The following FRMD4A variants were observed in gnomAD, a reference collection of about 807,000 sequenced individuals.
FRMD4A encodes the protein FERM domain containing 4A.
Under a neutral mutation model 129.1 loss-of-function variants are expected in FRMD4A, and 29 were observed. The observed-to-expected ratio is 0.22, with a 90% CI of 0.17 to 0.31. FRMD4A has a LOEUF of 0.31. Among genes scored for constraint, FRMD4A ranks in the 10% least tolerant of loss-of-function variants. FRMD4A has a pLI of 1.00. For synonymous variants in FRMD4A, 634 were observed against 571.6 expected, an observed-to-expected ratio of 1.11 and a Z score of -1.56; for missense variants, 1,272 against 1,375.8, an observed-to-expected ratio of 0.92 and a Z score of 1.19.
chr10:14,005,721 C>T (rs2095659835), intron 2 of FRMD4A, among the ~76,000 whole-genome samples: 1 of 152,208 alleles, frequency 6.6e-6, no homozygotes, highest in African/African-American at 2.4e-5. Flanking sequence ...ATGGCAAGAA[C>T]ATACAATGCC....
chr10:13,691,070 C>T (rs2085645000), intron 15 of FRMD4A, among the ~76,000 whole-genome samples: 1 of 152,200 alleles, frequency 6.6e-6, no homozygotes, highest in Admixed American at 6.5e-5. Flanking sequence ...TCACTGCAAC[C>T]TCCGCCTCCT....
chr10:13,947,025 T>C (rs1320319305), intron 2 of FRMD4A, among the ~76,000 whole-genome samples: 1 of 152,072 alleles, frequency 6.6e-6, no homozygotes, highest in Non-Finnish European at 1.5e-5. Context: ...GAGGAGATTG[T>C]TGTGGGTTAT....
chr10:14,272,468 G>A (rs556230454), intron 2 of FRMD4A, among the ~76,000 whole-genome samples: 2 of 152,256 alleles, frequency 1.3e-5, no homozygotes, highest in African/African-American at 2.4e-5. Context: ...CGAAATGGAG[G>A]TCAAAGTCAT....
intron 4 of FRMD4A, among the ~76,000 whole-genome samples, chr10:13,808,985 G>A (rs955112509): frequency 2.0e-5 from 3 of 152,156 alleles, no homozygotes; most frequent in Admixed American, 6.6e-5. Context: ...ACGCACACAC[G>A]CACGCACACA....
chr10:13,976,584 T>C (rs1171353162), intron 2 of FRMD4A, among the ~76,000 whole-genome samples: 1 of 152,070 alleles, frequency 6.6e-6, no homozygotes, highest in Non-Finnish European at 1.5e-5. Flanking sequence ...TTTGCCTGGC[T>C]CTGGGAATGT....
intron 2 of FRMD4A, among the ~76,000 whole-genome samples, chr10:14,281,880 C>G (rs548221362): frequency 6.6e-6 from 1 of 152,232 alleles, no homozygotes; most frequent in African/African-American, 2.4e-5. Flanking sequence ...TTAGAGGGAC[C>G]ATGTGTGAAA....
At chr10:13,917,397 C>T (rs1290951432) in intron 2 of FRMD4A, among the ~76,000 whole-genome samples, 1 of 150,670 alleles carries the variant, frequency 6.6e-6, no homozygotes, top group African/African-American at 2.4e-5. Context: ...TCACGTGATT[C>T]TCCTGCCTCA....
chr10:14,229,734 C>T (rs1171060252), intron 2 of FRMD4A, among the ~76,000 whole-genome samples: 2 of 152,132 alleles, frequency 1.3e-5, no homozygotes, highest in African/African-American at 2.4e-5. Flanking sequence ...CTACTGAACC[C>T]GACAACCCAC....
intron 23 of FRMD4A, chr10:13,653,066 C>T (rs541036167): frequency 1.3e-5 from 2 of 152,274 alleles, no homozygotes; most frequent in Admixed American, 1.3e-4. Context: ...TGGGTATTTC[C>T]CCCGCAAGGG....
intron 2 of FRMD4A, among the ~76,000 whole-genome samples, chr10:13,992,519 G>A (rs11258780): frequency 0.29 from 43,602 of 152,132 alleles, 7,404 homozygotes; most frequent in East Asian, 0.73. Context: ...AGAATAGGTT[G>A]CTGCTCATTC....
rs1375428162 is a variant in FRMD4A, at chr10:14,004,773, A to G, written c.46-145861T>C. On this transcript the variant is annotated intron_variant, in intron 2 of 24. Coordinates refer to ENST00000357447, the MANE Select transcript of FRMD4A (RefSeq NM_018027.5). ...AAGTTTGAGTCACTCTATCAAGGCC[A>G]TATGACTCGTAAATATTCAATAGTT... Among the ~76,000 whole-genome samples the G allele has an allele frequency of 2.6e-5, 4 of 152,342 alleles. No individual in the cohort carries two copies. The East Asian group carries it at 7.7e-4, about 29-fold the overall frequency.
At chr10:14,260,503 C>CT (rs1844764764) in intron 2 of FRMD4A, among the ~76,000 whole-genome samples, 1 of 152,148 alleles carries the variant, frequency 6.6e-6, no homozygotes, top group Non-Finnish European at 1.5e-5. Context: ...ATAAGTCATC[C>CT]TACATGCTCA....
chr10:14,158,177 A>G (rs1028441494), intron 2 of FRMD4A, among the ~76,000 whole-genome samples: 3 of 152,210 alleles, frequency 2.0e-5, no homozygotes, highest in Non-Finnish European at 2.9e-5. Flanking sequence ...GAGCTGGAGA[A>G]GAATTTGGAG....
At chr10:14,166,652 C>T (rs1039492841) in intron 2 of FRMD4A, among the ~76,000 whole-genome samples, 4 of 152,166 alleles carry the variant, frequency 2.6e-5, no homozygotes, top group Non-Finnish European at 4.4e-5. Context: ...TGCAGCTATT[C>T]AAACAGTCAG....
At chr10:13,935,392 C>T (rs1010795270) in intron 2 of FRMD4A, among the ~76,000 whole-genome samples, 1 of 123,778 alleles carries the variant, frequency 8.1e-6, no homozygotes, top group Non-Finnish European at 1.6e-5. Context: ...CAGCCAAGAT[C>T]ATGCTATTGC....
At chr10:13,772,225 T>TAATA (rs1425276683) in intron 6 of FRMD4A, among the ~76,000 whole-genome samples, 1 of 147,276 alleles carries the variant, frequency 6.8e-6, no homozygotes. Flanking sequence ...TATTATTATA[T>TAATA]AATAAATAAA....
At chr10:13,719,659 A>G (rs908142631) in intron 12 of FRMD4A, among the ~76,000 whole-genome samples, 3 of 152,038 alleles carry the variant, frequency 2.0e-5, no homozygotes, top group Non-Finnish European at 4.4e-5. Context: ...AAGGAGGGGG[A>G]AAAAAAGCCT....
At chr10:13,951,615 C>A (rs929855404) in intron 2 of FRMD4A, among the ~76,000 whole-genome samples, 2 of 151,948 alleles carry the variant, frequency 1.3e-5, no homozygotes, top group Non-Finnish European at 2.9e-5. Context: ...TTTGGCTGGG[C>A]GTGGTGGCTC....
At chr10:14,224,471 GGGCAGAAA>G (rs1843369755) in intron 2 of FRMD4A, among the ~76,000 whole-genome samples, 2 of 152,182 alleles carry the variant, frequency 1.3e-5, no homozygotes, top group Admixed American at 1.3e-4. Context: ...TACTCATACT[GGGCAGAAA>G]GACTTTGGTC....
Sources: gnomAD v4.1 joint callset for allele counts (sites outside exome capture counted in the v4.1 genomes callset) on GRCh38, gnomAD v4.1.1 for gene constraint, MANE v1.5 for transcripts, NCBI Gene and HGNC (gene_info 2026-07-23, HGNC 2026-07-21) for gene names.